Variants in ZBP1 observed in about 807,000 individuals in gnomAD.
The protein encoded by ZBP1 is Z-DNA-binding protein 1.
Under a neutral mutation model 41.1 loss-of-function variants are expected in ZBP1, and 42 were observed. The observed-to-expected ratio is 1.02, with a 90% CI of 0.80 to 1.32. The LOEUF is 1.32. ZBP1 is among the 40% of genes most tolerant of loss of function. ZBP1 has a pLI of 0.00. For missense variants in ZBP1, 562 were observed against 549.7 expected (o/e 1.02, Z -0.22); for synonymous variants, 214 against 205.2 (o/e 1.04, Z -0.37).
rs770067354 is a variant in ZBP1 at position 57,616,233 on chromosome 20, G to T, written c.259+11C>A. On this transcript the variant is annotated intron_variant, in intron 2 of 7. Coordinates refer to ENST00000371173, the MANE Select transcript of ZBP1 (RefSeq NM_030776.3). Reference sequence around the variant, plus strand: ...GCAGGGTCAGACCCGCCTCCCCGGGGTGGCAGTTACCAGGGCTGGACAAGG... The same window carrying T: ...GCAGGGTCAGACCCGCCTCCCCGGGTTGGCAGTTACCAGGGCTGGACAAGG... 4 of 1,613,296 alleles carry T rather than the reference G, an allele frequency of 2.5e-6. No individual in the cohort carries two copies. Among genetic ancestry groups the T allele is most frequent in the South Asian group, 2.2e-5 (2 of 91,016 alleles).
In ZBP1 at chr20:57,616,940, A is replaced by G. The variant is rs748574636; in HGVS notation, c.35-472T>C. On this transcript the variant is annotated intron_variant, in intron 1 of 7. Transcript: ENST00000371173. ...GTGCCCTCCTCTCAGCTCACCATCC[A>G]TCCATGGCGCCACTATCCATCCAAG... 5.8e-4 allele frequency: 109 copies of G among 187,896 alleles called. 1 individual carries two copies. The highest frequency in any genetic ancestry group is 2.9e-4 in the South Asian group (3 of 10,210). 11.6% of individuals were successfully genotyped at this position (187,896 alleles called of 1,614,324 possible). A position where few individuals can be genotyped will look rare whatever the true frequency, so the allele number is the denominator to read the frequency against.
chr20:57,605,038 C>T (rs1403567213), intron 7 of ZBP1, among the ~76,000 whole-genome samples: 2 of 152,152 alleles, frequency 1.3e-5, no homozygotes, highest in Non-Finnish European at 2.9e-5. Flanking sequence ...TCTCCCAGTC[C>T]TCCCAGGGAC....
Position 57,611,780 on chromosome 20 carries a change from A to G in ZBP1, c.821T>C (p.Leu274Pro). 1 of 1,612,738 alleles carries G rather than the reference A, an allele frequency of 6.2e-7. No individual in the cohort carries two copies. Among genetic ancestry groups the G allele is most frequent in the East Asian group, 2.2e-5 (1 of 44,842 alleles). The change falls in exon 6 of 8, where the codon CTC becomes CCC. Residue 274 changes from leucine to proline, a missense_variant. Leu to Pro is a moderately conservative substitution (Grantham distance 98, BLOSUM62 -3). Coordinates refer to ENST00000371173, the MANE Select transcript of ZBP1 (RefSeq NM_030776.3). ...AGGGCCCTCGGACGGGACGCCGTGGAGCCTCATCTCATTGCTGTGTCCCAG... is the reference window on the plus strand; with the variant it reads ...AGGGCCCTCGGACGGGACGCCGTGGGGCCTCATCTCATTGCTGTGTCCCAG... ...VQLGHSNEMRLHGVPSEGPAH... is the reference protein window; with the variant it reads ...VQLGHSNEMRPHGVPSEGPAH...
rs763449236 is a variant in ZBP1 at position 57,614,920 on chromosome 20, C to T, written c.469G>A (p.Glu157Lys). The change falls in exon 4 of 8, where the codon GAG (glutamate) becomes AAG (lysine). Residue 157 changes from glutamate to lysine, a missense_variant. Transcript: ENST00000371173. ...MKSRHLLDMD[E>K]QSKAWTIYRP... The stretch of plus-strand genomic sequence containing the variant: ...TAAATCGTCCATGCTTTGGACTGCT[C>T]ATCCATGTCCAGAAGGTGCCTGCTC... 14 of 1,614,230 alleles carry T rather than the reference C, an allele frequency of 8.7e-6. No homozygotes were observed. Among genetic ancestry groups the T allele is most frequent in the South Asian group, 1.1e-5 (1 of 91,084 alleles).
rs576627565 is a variant in ZBP1 at position 57,613,048 on chromosome 20, T to C, written c.670+115A>G. The C allele has an allele frequency of 3.1e-5, 48 of 1,540,304 alleles. No individual in the cohort carries two copies. In the East Asian group the frequency reaches 1.1e-3, roughly 35 times the overall value. On this transcript the variant is annotated intron_variant, in intron 5 of 7. Transcript: ENST00000371173. The surrounding 1 kb of genome is among the most constrained non-coding windows in gnomAD (Gnocchi z 4.5). ...GACTGTGGGGGTCTGGAAGCAACCC[T>C]TTCCCCTTGGAGGGCAGAATCCCCC... is the stretch of plus-strand genomic sequence containing the variant.
chr20:57,604,228 G>A lies in ZBP1; in HGVS notation c.*345C>T. ...GACTCAAACATTCAAACCACAGCAG[G>A]TAGCCATGATGGAAGGTAACTCCAG... On this transcript the variant is annotated 3_prime_UTR_variant, in exon 8 of 8. Transcript: ENST00000371173. 1 of 410,892 alleles carries A rather than the reference G, an allele frequency of 2.4e-6. No homozygotes were observed. Among genetic ancestry groups the A allele is most frequent in the Non-Finnish European group, 4.6e-6 (1 of 215,126 alleles). 25.5% of individuals were successfully genotyped at this position (410,892 alleles called of 1,614,324 possible).
chr20:57,616,086 C>T (rs2070816419), intron 2 of ZBP1, 158 bp downstream of exon 2: 1 of 721,932 alleles, frequency 1.4e-6, no homozygotes, highest in Non-Finnish European at 2.3e-6. Flanking sequence ...CTGCTGTGAG[C>T]TCCATCAACC....
chr20:57,612,530 C>T (rs535082700), intron 5 of ZBP1, among the ~76,000 whole-genome samples: 206 of 151,636 alleles, frequency 1.4e-3, no homozygotes, highest in African/African-American at 4.8e-3. Flanking sequence ...GGGAAAGGTT[C>T]TCCCAAGGTT....
At chr20:57,608,164 C>G (rs1207687004) in intron 7 of ZBP1, among the ~76,000 whole-genome samples, 1 of 152,008 alleles carries the variant, frequency 6.6e-6, no homozygotes, top group Non-Finnish European at 1.5e-5. Context: ...CTCTGTCGCC[C>G]AGGCTGGAGT....
At chr20:57,619,454 G>A (rs1202995035) in intron 1 of ZBP1, among the ~76,000 whole-genome samples, 1 of 152,188 alleles carries the variant, frequency 6.6e-6, no homozygotes, top group African/African-American at 2.4e-5. Flanking sequence ...AGTCCACAGC[G>A]CTTAGTGGAG....
chr20:57,619,479 C>T (rs1279939456), intron 1 of ZBP1, among the ~76,000 whole-genome samples: 2 of 152,220 alleles, frequency 1.3e-5, no homozygotes, highest in East Asian at 3.8e-4. Context: ...TAGAGAACAG[C>T]AATTACTCGA....
At chr20:57,606,497 G>A (rs2054407700) in intron 7 of ZBP1, among the ~76,000 whole-genome samples, 2 of 152,266 alleles carry the variant, frequency 1.3e-5, no homozygotes, top group African/African-American at 4.8e-5. Flanking sequence ...CTACACAACA[G>A]AGCAGGTTCT....
intron 1 of ZBP1, 95 bp from the exon 2 acceptor site, chr20:57,616,563 C>T: frequency 7.4e-7 from 1 of 1,353,968 alleles, no homozygotes; most frequent in South Asian, 1.2e-5. Context: ...ACGTAGGCCC[C>T]TTTTTGAGAG....
In ZBP1 at chr20:57,613,196, T is replaced by A. The variant is rs1204773759; in HGVS notation, c.637A>T (p.Ile213Phe). 6.2e-7 allele frequency: 1 copy of A among 1,614,262 alleles called. No homozygotes were observed. The highest frequency in any genetic ancestry group is 8.5e-7 in the Non-Finnish European group (1 of 1,180,050). ...CTGGAGACTGTCTGTCTTGTAATGA[T>A]GTTCCCGTGTCCAATCTGGATGGCT... ...SEAIQIGHGN[I>F]ITRQTVSRED... The change falls in exon 5 of 8, where the codon ATC becomes TTC. Residue 213 changes from isoleucine (I) to phenylalanine (F), a missense_variant. Coordinates refer to ENST00000371173, the MANE Select transcript of ZBP1 (RefSeq NM_030776.3). The surrounding 1 kb of genome is among the most constrained non-coding windows in gnomAD (Gnocchi z 4.5).
intron 7 of ZBP1, among the ~76,000 whole-genome samples, chr20:57,605,825 C>T (rs1052637458): frequency 3.3e-5 from 5 of 151,918 alleles, no homozygotes; most frequent in African/African-American, 1.2e-4. Flanking sequence ...TCACAGCGAC[C>T]CAGGAGGCTG....
At chr20:57,608,031 TG>T (rs1041806565) in intron 7 of ZBP1, among the ~76,000 whole-genome samples, 1 of 151,956 alleles carries the variant, frequency 6.6e-6, no homozygotes, top group African/African-American at 2.4e-5. Flanking sequence ...GAGAGGTGGG[TG>T]GGTCAGGGCA....
intron 6 of ZBP1, among the ~76,000 whole-genome samples, chr20:57,611,099 A>T (rs538004152): frequency 1.3e-5 from 2 of 152,224 alleles, no homozygotes; most frequent in East Asian, 3.9e-4. Flanking sequence ...CCTGTCTTCC[A>T]TCCTCCCTAA....
intron 1 of ZBP1, among the ~76,000 whole-genome samples, chr20:57,618,597 T>G (rs1408463931): frequency 6.6e-6 from 1 of 152,216 alleles, no homozygotes; most frequent in East Asian, 1.9e-4. Flanking sequence ...TTTTTGGTTT[T>G]GAGATGGAAT....
At position 57,615,008 on chromosome 20, in the gene ZBP1, G is replaced by A; in HGVS notation, c.381C>T (p.Val127=). ...LKDNGPQRAL[V]IAQALGMRTA... is the part of the protein sequence containing the mutation. Reference sequence around the variant, plus strand: ...TCCTCATTCCCAGTGCTTGGGCGATGACCAGGGCCCTCTGGGGACCATTGT... The same window carrying A: ...TCCTCATTCCCAGTGCTTGGGCGATAACCAGGGCCCTCTGGGGACCATTGT... Residue 127 remains valine, a synonymous_variant, in exon 4 of 8, where the codon GTC becomes GTT. Coordinates refer to ENST00000371173, the MANE Select transcript of ZBP1 (RefSeq NM_030776.3). 1 of 1,614,190 alleles carries A rather than the reference G, an allele frequency of 6.2e-7. No individual in the cohort carries two copies. The highest frequency in any genetic ancestry group is 8.5e-7 in the Non-Finnish European group (1 of 1,180,044).
Sources: allele counts gnomAD v4.1 joint callset (sites outside exome capture counted in the v4.1 genomes callset), GRCh38; gene constraint gnomAD v4.1.1; non-coding constraint Gnocchi (gnomAD v3.1); transcripts MANE v1.5; gene names NCBI Gene and HGNC (gene_info 2026-07-23, HGNC 2026-07-21).